KCTD3: variants seen among roughly 807,000 people sequenced by gnomAD.
KCTD3 encodes the protein potassium channel tetramerization domain containing 3, also known as BTB/POZ domain-containing protein KCTD3.
A neutral mutation model predicts 85.8 loss-of-function variants in KCTD3; 41 were observed. The observed-to-expected ratio is 0.48, with a 90% CI of 0.37 to 0.62. The LOEUF (loss-of-function observed/expected upper bound fraction) is 0.62, where lower values mean the gene tolerates loss of function less well. Ranked by LOEUF, KCTD3 falls within the 20% of genes least tolerant of loss-of-function variation. The pLI, the probability that KCTD3 is intolerant of heterozygous loss-of-function variation, is 0.00. For synonymous variants in KCTD3, 338 were observed against 345.4 expected, an observed-to-expected ratio of 0.98 and a Z score of 0.24; for missense variants, 724 against 989.9, an observed-to-expected ratio of 0.73 and a Z score of 3.60.
rs931338434 is a variant in KCTD3, at chr1:215,621,351, G to A, written c.*733G>A. 1 of 152,074 alleles carries A rather than the reference G, an allele frequency of 6.6e-6. No homozygotes were observed. Among genetic ancestry groups the A allele is most frequent in the African/African-American group, 2.4e-5 (1 of 41,406 alleles). The allele number at this position is 152,074 out of a possible 1,614,324, so 9.4% of individuals were successfully genotyped here. A position where few individuals can be genotyped will look rare whatever the true frequency, so the allele number is the denominator to read the frequency against. ...AATAAAAATAATAATCAAGGGCAAA[G>A]CTTTGAGTGCCCAGAAGGGAAAGCT... On this transcript the variant is annotated 3_prime_UTR_variant, in exon 18 of 18. Transcript: ENST00000259154.
intron 1 of KCTD3, among the ~76,000 whole-genome samples, chr1:215,571,867 G>C (rs978977548): frequency 1.3e-5 from 2 of 152,296 alleles, no homozygotes; most frequent in East Asian, 3.9e-4. Flanking sequence ...TGCTGACCTC[G>C]TGATCTGCCC....
At chr1:215,602,975 C>T (rs377327988) in intron 12 of KCTD3, among the ~76,000 whole-genome samples, 2 of 152,116 alleles carry the variant, frequency 1.3e-5, no homozygotes. Context: ...TAGTAAACCA[C>T]GGATTTCTAG....
Position 215,577,658 on chromosome 1 carries a change from G to A in KCTD3, c.258-12G>A, listed in dbSNP as rs1380796837. ...CAGTGTTAGAGAATTTACATCATTT[G>A]TTTCTTTGTAGGGGAGTGAGTATTA... On this transcript the variant is annotated splice_polypyrimidine_tract_variant and intron_variant, in intron 4 of 17. Coordinates refer to ENST00000259154, the MANE Select transcript of KCTD3 (RefSeq NM_016121.5). 1.3e-6 allele frequency: 2 copies of A among 1,567,736 alleles called. No homozygotes were observed. Among genetic ancestry groups the A allele is most frequent in the Non-Finnish European group, 1.8e-6 (2 of 1,138,216 alleles).
intron 15 of KCTD3, among the ~76,000 whole-genome samples, chr1:215,616,592 C>A (rs1278995011): frequency 3.3e-5 from 5 of 152,058 alleles, no homozygotes; most frequent in Non-Finnish European, 7.4e-5. Context: ...GAAACCCCAT[C>A]TCTACTAAAA....
chr1:215,572,209 G>A (rs1050480522), intron 1 of KCTD3, among the ~76,000 whole-genome samples: 9 of 152,168 alleles, frequency 5.9e-5, no homozygotes, highest in Non-Finnish European at 8.8e-5. Context: ...CTGAGTTTTA[G>A]AGTGTGATTC....
chr1:215,580,863 C>A (rs1391426008), intron 8 of KCTD3: 7 of 330,786 alleles, frequency 2.1e-5, no homozygotes, highest in East Asian at 1.1e-4. Context: ...TTTTAAAAAT[C>A]TGAATTTATG....
intron 9 of KCTD3, among the ~76,000 whole-genome samples, chr1:215,594,010 C>G (rs546637718): frequency 1.3e-5 from 2 of 152,128 alleles, no homozygotes; most frequent in East Asian, 3.9e-4. Context: ...CAGGCGTGTG[C>G]TACCATACCC....
chr1:215,569,774 G>A (rs896532762), intron 1 of KCTD3, among the ~76,000 whole-genome samples: 16 of 151,858 alleles, frequency 1.1e-4, no homozygotes, highest in African/African-American at 3.9e-4. Context: ...AGCTTATCAG[G>A]TTCTAATTTT....
Position 215,620,646 on chromosome 1 carries a change from G to T in KCTD3, c.*28G>T, listed in dbSNP as rs202083972. On this transcript the variant is annotated 3_prime_UTR_variant, in exon 18 of 18. Transcript: ENST00000259154. ...ACTCACCAAAATGAATAGTTGTTTC[G>T]TTACATTTAGATGAAAGTTAAACTT... The T allele has an allele frequency of 2.1e-6, 3 of 1,443,962 alleles. No homozygotes were observed. The highest frequency in any genetic ancestry group is 1.3e-5 in the South Asian group (1 of 74,652). The allele number at this position is 1,443,962 out of a possible 1,614,324, so 89.4% of individuals were successfully genotyped here.
chr1:215,619,483 A>G (rs1396106557), intron 17 of KCTD3, among the ~76,000 whole-genome samples, 192 bp downstream of exon 17: 1 of 152,174 alleles, frequency 6.6e-6, no homozygotes, highest in Non-Finnish European at 1.5e-5. Context: ...TCATAGAAAA[A>G]CATTTTTACC....
intron 13 of KCTD3, 26 bp downstream of exon 13, chr1:215,604,328 A>T: frequency 6.3e-7 from 1 of 1,575,442 alleles, no homozygotes; most frequent in Non-Finnish European, 8.7e-7. Flanking sequence ...TATACTGGTA[A>T]GGAACTTGGC....
chr1:215,569,274 C>T (rs945042666), intron 1 of KCTD3, among the ~76,000 whole-genome samples: 5 of 151,640 alleles, frequency 3.3e-5, no homozygotes, highest in Non-Finnish European at 7.4e-5. Context: ...GCGCGCGCCA[C>T]CACGCCCGGG....
At chr1:215,589,382 C>A (rs1660133348) in intron 9 of KCTD3, among the ~76,000 whole-genome samples, 1 of 152,130 alleles carries the variant, frequency 6.6e-6, no homozygotes, top group African/African-American at 2.4e-5. Flanking sequence ...CTTTAGTGAT[C>A]CTGCTACCTT....
chr1:215,603,656 A>G (rs141029566), intron 12 of KCTD3, among the ~76,000 whole-genome samples: 86 of 152,346 alleles, frequency 5.6e-4, no homozygotes, highest in African/African-American at 1.8e-3. Flanking sequence ...TAGGCTAGAC[A>G]TAATAAGGAA....
At chr1:215,583,995 AAAT>A (rs1659921994) in intron 8 of KCTD3, among the ~76,000 whole-genome samples, 1 of 152,162 alleles carries the variant, frequency 6.6e-6, no homozygotes, top group South Asian at 2.1e-4. Flanking sequence ...CAAGTAAACT[AAAT>A]AAGAAGGCTT....
intron 15 of KCTD3, among the ~76,000 whole-genome samples, chr1:215,615,936 T>C (rs1214230584): frequency 6.6e-6 from 1 of 152,178 alleles, no homozygotes; most frequent in African/African-American, 2.4e-5. Flanking sequence ...GGAGACTGTC[T>C]CTGTGTGGCA....
chr1:215,590,279 GGTT>G (rs1464796708), intron 9 of KCTD3, among the ~76,000 whole-genome samples: 2 of 152,110 alleles, frequency 1.3e-5, no homozygotes, highest in East Asian at 1.9e-4. Context: ...TTTTTAATGA[GGTT>G]GTCATCCTGT....
chr1:215,567,651 A>T lies in KCTD3; in HGVS notation c.-35A>T, dbSNP rs906251645. The T allele has an allele frequency of 8.6e-5, 100 of 1,160,808 alleles. No homozygotes were observed. Among genetic ancestry groups the T allele is most frequent in the Non-Finnish European group, 1.0e-4 (95 of 939,572 alleles). 71.9% of individuals were successfully genotyped at this position (1,160,808 alleles called of 1,614,324 possible). ...CCGGGCTCGGCGGTCCCGGCTGGGGAAGGAGGGCGGCGAGCGCGTCCGGAG... is the reference window on the plus strand; with the variant it reads ...CCGGGCTCGGCGGTCCCGGCTGGGGTAGGAGGGCGGCGAGCGCGTCCGGAG... On this transcript the variant is annotated 5_prime_UTR_variant, in exon 1 of 18. Transcript: ENST00000259154.
intron 4 of KCTD3, 76 bp downstream of exon 4, chr1:215,576,050 GT>G: frequency 1.6e-5 from 13 of 818,652 alleles, no homozygotes; most frequent in Admixed American, 3.0e-5. Context: ...GAAATAAAAG[GT>G]TTTTTTTGTT....
Sources: allele counts gnomAD v4.1 joint callset (sites outside exome capture counted in the v4.1 genomes callset), GRCh38; gene constraint gnomAD v4.1.1; transcripts MANE v1.5; gene names NCBI Gene and HGNC (gene_info 2026-07-23, HGNC 2026-07-21).